Variants in TMEM177 observed in about 807,000 individuals in gnomAD.
TMEM177 encodes the protein transmembrane protein 177.
Under a neutral mutation model 14.2 loss-of-function variants are expected in TMEM177, and 4 were observed. The ratio of observed to expected loss-of-function variants is 0.28; its 90% confidence interval spans 0.14 to 0.64. The LOEUF (loss-of-function observed/expected upper bound fraction) is 0.64, where lower values mean the gene tolerates loss of function less well. Among genes scored for constraint, TMEM177 ranks in the 30% least tolerant of loss-of-function variants. The probability of loss-of-function intolerance (pLI) is 0.82; values close to 1 mark genes in which losing one functional copy is unlikely to be tolerated. For missense variants in TMEM177, 344 were observed against 405.2 expected (o/e 0.85, Z 1.30); for synonymous variants, 179 against 174.5 (o/e 1.03, Z -0.20).
At chr2:119,679,560 T>C (rs1055922775) in intron 1 of TMEM177, 2 of 152,216 alleles carry the variant, frequency 1.3e-5, no homozygotes, top group African/African-American at 4.8e-5. Context: ...TACCCTGCGT[T>C]TTTGTTTGCG....
Position 119,681,785 on chromosome 2 carries a change from C to T in TMEM177, c.932C>T (p.Ser311Phe), listed in dbSNP as rs752572889. The T allele has an allele frequency of 2.5e-6, 4 of 1,610,966 alleles. No individual in the cohort carries two copies. The highest frequency in any genetic ancestry group is 2.2e-5 in the East Asian group (1 of 44,870). ...AGGGGGATGCTCAATCCGGGCCGCT[C>T]CTGATGGGCTCATCACAAGGACACT... Reference protein sequence around the residue: ...MWRGMLNPGRS With the variant: ...MWRGMLNPGRF Residue 311 changes from serine (S) to phenylalanine (F), a missense_variant, in exon 2 of 2, where the codon TCC becomes TTC. Transcript: ENST00000272521.
the TMEM177 span, among the ~76,000 whole-genome samples, chr2:119,708,600 T>A: frequency 4.6e-5 from 7 of 151,986 alleles, no homozygotes; most frequent in Non-Finnish European, 1.0e-4. Context: ...CTCCTGAGCG[T>A]CTTTTAATCT....
At chr2:119,705,864 C>T in the TMEM177 span, among the ~76,000 whole-genome samples, 7 of 151,364 alleles carry the variant, frequency 4.6e-5, no homozygotes, top group East Asian at 1.9e-4. Context: ...TGTTGGGTGA[C>T]GAACAAACTT....
chr2:119,717,423 C>T, the TMEM177 span, among the ~76,000 whole-genome samples: 1 of 152,068 alleles, frequency 6.6e-6, no homozygotes, highest in East Asian at 1.9e-4. Context: ...CCCCATATGC[C>T]TGCACTGGGT....
chr2:119,698,062 C>A, the TMEM177 span, among the ~76,000 whole-genome samples: 1 of 152,060 alleles, frequency 6.6e-6, no homozygotes, highest in African/African-American at 2.4e-5. Context: ...GGAGGCAATG[C>A]CAACTTGCAG....
chr2:119,681,541 T>A lies in TMEM177; in HGVS notation c.688T>A (p.Trp230Arg). Residue 230 changes from tryptophan (W) to arginine (R), a missense_variant, in exon 2 of 2, where the codon TGG becomes AGG. Transcript: ENST00000272521. ...TTCTCTCACTCATGCCGTGGAGTCCTGGCTGGACCGCCGCACGGCCTCCCT... is the reference window on the plus strand; with the variant it reads ...TTCTCTCACTCATGCCGTGGAGTCCAGGCTGGACCGCCGCACGGCCTCCCT... ...QDSLTHAVES[W>R]LDRRTASLSA... 6.2e-7 allele frequency: 1 copy of A among 1,614,218 alleles called. No homozygotes were observed. Among genetic ancestry groups the A allele is most frequent in the East Asian group, 2.2e-5 (1 of 44,878 alleles).
At chr2:119,719,905 C>T in the TMEM177 span, among the ~76,000 whole-genome samples, 6 of 152,030 alleles carry the variant, frequency 3.9e-5, no homozygotes, top group Non-Finnish European at 8.8e-5. Context: ...GAAATCTTCC[C>T]ACCTTGGCCT....
chr2:119,699,933 T>A, the TMEM177 span: 1 of 435,016 alleles, frequency 2.3e-6, no homozygotes, highest in South Asian at 1.7e-5. Flanking sequence ...TAGATGTAGA[T>A]TCTTTGGTCA....
chr2:119,697,602 ATGT>A, the TMEM177 span, among the ~76,000 whole-genome samples: 4 of 152,144 alleles, frequency 2.6e-5, no homozygotes, highest in Non-Finnish European at 4.4e-5. Context: ...ATATTTGCAC[ATGT>A]TGTTCCCTCT....
downstream of TMEM177, among the ~76,000 whole-genome samples, chr2:119,687,869 C>G (rs771860502): frequency 6.6e-6 from 1 of 152,140 alleles, no homozygotes; most frequent in African/African-American, 2.4e-5. Context: ...AACTCATACT[C>G]TTTATTAACT....
the TMEM177 span, among the ~76,000 whole-genome samples, chr2:119,699,312 C>T: frequency 1.4e-4 from 21 of 152,294 alleles, no homozygotes; most frequent in Admixed American, 3.3e-4. Flanking sequence ...CCTTATAAAA[C>T]GATCAGATCT....
At chr2:119,697,219 C>A in the TMEM177 span, among the ~76,000 whole-genome samples, 1 of 152,248 alleles carries the variant, frequency 6.6e-6, no homozygotes, top group Admixed American at 6.5e-5. Context: ...TCTGCCTCCA[C>A]TTCCCGTCTC....
the TMEM177 span, among the ~76,000 whole-genome samples, chr2:119,722,983 C>T: frequency 2.7e-4 from 41 of 152,296 alleles, no homozygotes; most frequent in Non-Finnish European, 5.7e-4. Context: ...ATTAGTTGGC[C>T]TTCCTAGACT....
the TMEM177 span, among the ~76,000 whole-genome samples, chr2:119,707,261 T>C: frequency 1.3e-5 from 2 of 152,170 alleles, no homozygotes; most frequent in Non-Finnish European, 2.9e-5. Context: ...TGGCCAGAAC[T>C]TGATCACGTG....
the TMEM177 span, among the ~76,000 whole-genome samples, chr2:119,704,391 AGAT>A: frequency 6.6e-6 from 1 of 152,184 alleles, no homozygotes; most frequent in East Asian, 1.9e-4. Context: ...CGAGGTCAGG[AGAT>A]TGAGACCATC....
At position 119,681,783 on chromosome 2, in the gene TMEM177, C is replaced by T. The variant is rs1688914061; in HGVS notation, c.930C>T (p.Arg310=). 1.2e-6 allele frequency: 2 copies of T among 1,611,520 alleles called. No homozygotes were observed. Among genetic ancestry groups the T allele is most frequent in the Non-Finnish European group, 1.7e-6 (2 of 1,178,476 alleles). The change falls in exon 2 of 2, where the codon CGC becomes CGT. Residue 310 remains arginine (R), a synonymous_variant. Coordinates refer to ENST00000272521, the MANE Select transcript of TMEM177 (RefSeq NM_030577.3). ...QMWRGMLNPG[R]S ...GGAGGGGGATGCTCAATCCGGGCCGCTCCTGATGGGCTCATCACAAGGACA... is the reference window on the plus strand; with the variant it reads ...GGAGGGGGATGCTCAATCCGGGCCGTTCCTGATGGGCTCATCACAAGGACA...
At chr2:119,717,634 A>G in the TMEM177 span, among the ~76,000 whole-genome samples, 28 of 124,334 alleles carry the variant, frequency 2.3e-4, no homozygotes, top group Non-Finnish European at 3.6e-4. Context: ...TTTGAGACAG[A>G]GTCTTGCTCT....
the TMEM177 span, among the ~76,000 whole-genome samples, chr2:119,706,768 CCTT>C: frequency 3.3e-5 from 5 of 152,096 alleles, no homozygotes; most frequent in African/African-American, 1.2e-4. Flanking sequence ...ATTGTCTCAG[CCTT>C]CTTCTTCTCC....
rs1194211991 is a variant in TMEM177, at chr2:119,681,896, C to T, written c.*107C>T. On this transcript the variant is annotated 3_prime_UTR_variant, in exon 2 of 2. Transcript: ENST00000272521. ...ACCTATAGCTCACGGCCAGAAAAAT[C>T]ACTGGCTTTGGAATTAAATAGCTTA... 1 of 1,025,332 alleles carries T rather than the reference C, an allele frequency of 9.8e-7. No individual in the cohort carries two copies. Among genetic ancestry groups the T allele is most frequent in the Non-Finnish European group, 1.4e-6 (1 of 691,708 alleles). 63.5% of individuals were successfully genotyped at this position (1,025,332 alleles called of 1,614,324 possible).
Sources: gnomAD v4.1 joint callset for allele counts (sites outside exome capture counted in the v4.1 genomes callset) on GRCh38, gnomAD v4.1.1 for gene constraint, MANE v1.5 for transcripts, NCBI Gene and HGNC (gene_info 2026-07-23, HGNC 2026-07-21) for gene names.